DNAI4: variants seen among roughly 807,000 people sequenced by gnomAD.
The protein encoded by DNAI4 is dynein axonemal intermediate chain 4.
In DNAI4, 85 loss-of-function variants were observed where a neutral mutation model predicts 105.8. The ratio of observed to expected loss-of-function variants is 0.80; its 90% CI spans 0.67 to 0.96. DNAI4 has a LOEUF of 0.96. Among genes scored for constraint, DNAI4 ranks in the 40% least tolerant of loss-of-function variants. The pLI is 0.00. For synonymous variants in DNAI4, 352 were observed against 331.5 expected (o/e 1.06, Z -0.67); for missense variants, 1,014 against 1,005.6 (o/e 1.01, Z -0.11).
intron 9 of DNAI4, 138 bp downstream of exon 9, chr1:66,840,331 G>GTTTAAAACTAAACTAAA (rs1646122344): frequency 1.4e-6 from 1 of 740,168 alleles, no homozygotes; most frequent in African/African-American, 1.8e-5. Context: ...ACTTGTTTTA[G>GTTTAAAACTAAACTAAA]GGGCATTCTA....
At chr1:66,881,357 T>C (rs999291387) in intron 4 of DNAI4, among the ~76,000 whole-genome samples, 1 of 152,082 alleles carries the variant, frequency 6.6e-6, no homozygotes, top group Non-Finnish European at 1.5e-5. Flanking sequence ...TGCCAACCCA[T>C]GAAAGCAGCC....
At chr1:66,909,909 G>A (rs917826398) in intron 1 of DNAI4, among the ~76,000 whole-genome samples, 1 of 152,088 alleles carries the variant, frequency 6.6e-6, no homozygotes, top group Non-Finnish European at 1.5e-5. Flanking sequence ...CCATTCATTT[G>A]TCACCACTCT....
chr1:66,909,035 C>T lies in DNAI4; in HGVS notation c.171-3660G>A, dbSNP rs567090775. On this transcript the variant is annotated intron_variant, in intron 1 of 16. Coordinates refer to ENST00000371026, the MANE Select transcript of DNAI4 (RefSeq NM_024763.5). ...CAGTTCAGGTCACTCCCTCTACATG[C>T]ATACCAGATTCCATTTTTCTGCCTA... 1.6e-4 allele frequency among the ~76,000 whole-genome samples: 25 copies of T among 152,252 alleles called. No individual in the cohort carries two copies. In the South Asian group the frequency reaches 4.8e-3, roughly 29 times the overall value.
intron 15 of DNAI4, among the ~76,000 whole-genome samples, chr1:66,826,576 G>A (rs1317284561): frequency 6.6e-6 from 1 of 152,146 alleles, no homozygotes; most frequent in Admixed American, 6.5e-5. Flanking sequence ...AGGATTACAG[G>A]TGTGAGCCAC....
chr1:66,839,578 A>G (rs1258621899), intron 9 of DNAI4, among the ~76,000 whole-genome samples: 1 of 152,230 alleles, frequency 6.6e-6, no homozygotes, highest in Non-Finnish European at 1.5e-5. Context: ...AACAATATAA[A>G]TATTTATATC....
chr1:66,822,969 A>G (rs565861535), intron 15 of DNAI4, among the ~76,000 whole-genome samples: 1 of 152,212 alleles, frequency 6.6e-6, no homozygotes, highest in East Asian at 1.9e-4. Flanking sequence ...CAGGTTTGTT[A>G]CATAGGTATA....
At chr1:66,847,753 G>T (rs981891503) in intron 7 of DNAI4, 75 bp from the exon 8 acceptor site, 3 of 1,180,120 alleles carry the variant, frequency 2.5e-6, no homozygotes, top group African/African-American at 3.1e-5. Flanking sequence ...TTTTAAAAAT[G>T]ACATTTCATC....
At chr1:66,874,169 A>G (rs527276074) in intron 5 of DNAI4, among the ~76,000 whole-genome samples, 81 of 152,170 alleles carry the variant, frequency 5.3e-4, no homozygotes, top group African/African-American at 1.9e-3. Flanking sequence ...GAGGGATAGT[A>G]CAAAATGATA....
At chr1:66,878,764 C>T (rs1203689284) in intron 4 of DNAI4, among the ~76,000 whole-genome samples, 3 of 152,150 alleles carry the variant, frequency 2.0e-5, no homozygotes, top group East Asian at 1.9e-4. Context: ...CCTCCAATTA[C>T]TTACATGTTC....
chr1:66,900,466 T>C (rs1007072626), intron 2 of DNAI4, among the ~76,000 whole-genome samples: 3 of 152,168 alleles, frequency 2.0e-5, no homozygotes, highest in Non-Finnish European at 2.9e-5. Flanking sequence ...TGATAACAAT[T>C]GTGTTAAGTT....
At chr1:66,911,142 T>A (rs760164427) in intron 1 of DNAI4, among the ~76,000 whole-genome samples, 1 of 152,220 alleles carries the variant, frequency 6.6e-6, no homozygotes, top group Non-Finnish European at 1.5e-5. Flanking sequence ...AAATCAGGGT[T>A]CCCACAACCC....
chr1:66,824,068 T>C (rs1645695090), intron 15 of DNAI4, among the ~76,000 whole-genome samples: 1 of 136,850 alleles, frequency 7.3e-6, no homozygotes, highest in East Asian at 2.1e-4. Context: ...CTTTAATCCA[T>C]CTTGAATTGA....
intron 8 of DNAI4, among the ~76,000 whole-genome samples, chr1:66,845,662 A>G (rs1646260042): frequency 6.6e-6 from 1 of 152,208 alleles, no homozygotes; most frequent in Admixed American, 6.5e-5. Flanking sequence ...TTCATCTACT[A>G]GAGCATTACT....
At chr1:66,836,326 A>C (rs969851506) in intron 10 of DNAI4, among the ~76,000 whole-genome samples, 4 of 147,094 alleles carry the variant, frequency 2.7e-5, no homozygotes, top group African/African-American at 1.0e-4. Flanking sequence ...GAAAGAAAGA[A>C]GGAAAGAGGG....
intron 7 of DNAI4, among the ~76,000 whole-genome samples, chr1:66,860,495 A>G (rs1384666179): frequency 6.6e-6 from 1 of 151,370 alleles, no homozygotes; most frequent in Non-Finnish European, 1.5e-5. Flanking sequence ...TTTGTTACCT[A>G]TTTTTTTCTA....
At chr1:66,911,184 G>A (rs903210618) in intron 1 of DNAI4, among the ~76,000 whole-genome samples, 1 of 152,164 alleles carries the variant, frequency 6.6e-6, no homozygotes, top group African/African-American at 2.4e-5. Context: ...TGCTAGAGTG[G>A]ATCACAGAAC....
At chr1:66,895,998 GA>G (rs1281843632) in intron 2 of DNAI4, among the ~76,000 whole-genome samples, 1 of 152,100 alleles carries the variant, frequency 6.6e-6, no homozygotes, top group African/African-American at 2.4e-5. Flanking sequence ...GTTTGCAAGT[GA>G]AATTGGCATA....
chr1:66,880,620 G>C (rs1466671945), intron 4 of DNAI4, among the ~76,000 whole-genome samples: 1 of 152,158 alleles, frequency 6.6e-6, no homozygotes, highest in African/African-American at 2.4e-5. Flanking sequence ...GCATTCAAGA[G>C]GTGACTTGGG....
chr1:66,819,443 T>C (rs1645581004), intron 16 of DNAI4, among the ~76,000 whole-genome samples: 2 of 152,174 alleles, frequency 1.3e-5, no homozygotes, highest in African/African-American at 4.8e-5. Flanking sequence ...TATGACTTGA[T>C]TATAGTTTCT....
Sources: gnomAD v4.1 joint callset for allele counts (sites outside exome capture counted in the v4.1 genomes callset) on GRCh38, gnomAD v4.1.1 for gene constraint, MANE v1.5 for transcripts, NCBI Gene and HGNC (gene_info 2026-07-23, HGNC 2026-07-21) for gene names.